The following PLEKHG4B variants were observed in gnomAD, a reference collection of about 807,000 sequenced individuals.
PLEKHG4B encodes the protein pleckstrin homology and RhoGEF domain containing G4B.
PLEKHG4B carries 111 observed loss-of-function variants against 121.3 expected under a neutral mutation model. The ratio of observed to expected loss-of-function variants is 0.92; its 90% CI spans 0.78 to 1.07. The LOEUF (loss-of-function observed/expected upper bound fraction) is 1.07. PLEKHG4B is among the 50% of genes least tolerant of loss of function. The pLI, the probability that PLEKHG4B is intolerant of heterozygous loss-of-function variation, is 0.00. For missense variants in PLEKHG4B, 1,831 were observed against 1,757.8 expected, an observed-to-expected ratio of 1.04 and a Z score of -0.74; for synonymous variants, 738 against 725.0, an observed-to-expected ratio of 1.02 and a Z score of -0.29.
intron 2 of PLEKHG4B, among the ~76,000 whole-genome samples, chr5:129,863 C>A (rs1418004738): frequency 6.6e-6 from 1 of 151,976 alleles, no homozygotes; most frequent in African/African-American, 2.4e-5. Flanking sequence ...CAGTCCTGAC[C>A]ACTCACAGCT....
Position 174,425 on chromosome 5 carries a change from C to CG in PLEKHG4B, c.4402+332dup, listed in dbSNP as rs1273045191. On this transcript the variant is annotated intron_variant, in intron 18 of 19. Transcript: ENST00000637938. ...GGGACTGGAGACTGAGTCCAGGGGC[C>CG]GGGGGCCAAGGCTAGGAGTGGGGCT... Among the ~76,000 whole-genome samples the CG allele has an allele frequency of 1.8e-4, 8 of 43,404 alleles. No homozygotes were observed. In the Admixed American group the frequency reaches 2.3e-3, roughly 12 times the overall value. The allele number at this position is 43,404 out of a possible 152,430, so 28.5% of individuals were successfully genotyped here.
chr5:182,163 C>T lies in PLEKHG4B; in HGVS notation c.4724C>T (p.Ala1575Val), dbSNP rs114618936. 128 of 1,614,006 alleles carry T rather than the reference C, an allele frequency of 7.9e-5. No individual in the cohort carries two copies. The East Asian group carries it at 2.7e-3, about 34-fold the overall frequency. ...GGCCTGCTTGTGTCCTCCAGCCCAG[C>T]CCACCCGGGCCTATGGAGCCCTGCC... ...SLGLLVSSSP[A>V]HPGLWSPAHS... Residue 1575 changes from alanine (A) to valine (V), a missense_variant, in exon 20 of 20, where the codon GCC becomes GTC. Coordinates refer to ENST00000637938, the MANE Select transcript of PLEKHG4B (RefSeq NM_052909.5).
chr5:115,654 C>G (rs1000171239), intron 2 of PLEKHG4B, among the ~76,000 whole-genome samples: 3 of 152,240 alleles, frequency 2.0e-5, no homozygotes, highest in Non-Finnish European at 4.4e-5. Flanking sequence ...CTTGCTGCAG[C>G]TTCTCCATCA....
intron 1 of PLEKHG4B, among the ~76,000 whole-genome samples, chr5:93,175 G>A (rs1301825503): frequency 6.6e-6 from 1 of 152,164 alleles, no homozygotes; most frequent in African/African-American, 2.4e-5. Context: ...TTGAAACGGT[G>A]CATAATTGAT....
chr5:135,686 T>A (rs1375501878), intron 2 of PLEKHG4B, among the ~76,000 whole-genome samples: 1,401 of 32,668 alleles, frequency 0.043, 12 homozygotes, highest in African/African-American at 0.075. Context: ...AAAAAAAATA[T>A]ATATATATAT....
At chr5:136,590 C>T (rs777619213) in intron 2 of PLEKHG4B, among the ~76,000 whole-genome samples, 4 of 152,114 alleles carry the variant, frequency 2.6e-5, no homozygotes, top group Non-Finnish European at 5.9e-5. Context: ...AGGAGGGAAA[C>T]ACAAATCAAA....
chr5:148,132 C>T (rs1159859144), intron 6 of PLEKHG4B, among the ~76,000 whole-genome samples: 2 of 151,322 alleles, frequency 1.3e-5, no homozygotes, highest in African/African-American at 4.9e-5. Flanking sequence ...TACTCAATGG[C>T]AAAAAAACTG....
intron 2 of PLEKHG4B, among the ~76,000 whole-genome samples, chr5:126,532 A>G (rs1490639313): frequency 6.6e-6 from 1 of 152,038 alleles, no homozygotes; most frequent in African/African-American, 2.4e-5. Flanking sequence ...ACAGTTTCTA[A>G]TTATTTTTTC....
chr5:139,946 G>A lies in PLEKHG4B; in HGVS notation c.707G>A (p.Gly236Asp). The A allele has an allele frequency of 2.5e-6, 1 of 407,920 alleles. No individual in the cohort carries two copies. Among genetic ancestry groups the A allele is most frequent in the Non-Finnish European group, 4.3e-6 (1 of 231,522 alleles). The allele number at this position is 407,920 out of a possible 1,614,324, so 25.3% of individuals were successfully genotyped here. The stretch of plus-strand genomic sequence containing the variant: ...CCAGTCCCCACCCAAGCCACAGCAG[G>A]CCCCCATTTCCAGGGAAGCGCCTCT... ...EAPVPTQATA[G>D]PHFQGSASCP... Residue 236 changes from glycine to aspartate, a missense_variant, in exon 3 of 20, where the codon GGC (glycine) becomes GAC (aspartate). By Grantham distance (94) the Gly-to-Asp change is moderately conservative. Coordinates refer to ENST00000637938, the MANE Select transcript of PLEKHG4B (RefSeq NM_052909.5). The surrounding 1 kb of genome is among the most constrained non-coding windows in gnomAD (Gnocchi z 5.0).
At chr5:108,583 G>A (rs34679247) in intron 1 of PLEKHG4B, among the ~76,000 whole-genome samples, 1 of 146,490 alleles carries the variant, frequency 6.8e-6, no homozygotes, top group African/African-American at 2.6e-5. Flanking sequence ...AGACAGACTG[G>A]GTGCAGATGG....
chr5:156,611 G>T lies in PLEKHG4B; in HGVS notation c.2349-162G>T, dbSNP rs1186780968. Among the ~76,000 whole-genome samples, 1 of 152,066 alleles carries T rather than the reference G, an allele frequency of 6.6e-6. No individual in the cohort carries two copies. The highest frequency in any genetic ancestry group is 1.5e-5 in the Non-Finnish European group (1 of 68,020). On this transcript the variant is annotated intron_variant, in intron 10 of 19. Transcript: ENST00000637938. The surrounding 1 kb of genome is among the most constrained non-coding windows in gnomAD (Gnocchi z 4.4). ...CCAGGATGTTGGCAGAACGCATGGAGCACATCTGTGCCCCGCCTCGGTTGT... is the reference window on the plus strand; with the variant it reads ...CCAGGATGTTGGCAGAACGCATGGATCACATCTGTGCCCCGCCTCGGTTGT...
intron 18 of PLEKHG4B, among the ~76,000 whole-genome samples, chr5:179,153 C>A (rs1422569536): frequency 2.6e-5 from 4 of 152,084 alleles, no homozygotes; most frequent in Non-Finnish European, 5.9e-5. Context: ...TTACTTGGAA[C>A]TTTTGGTGTT....
In PLEKHG4B at chr5:189,737, G is replaced by C. The variant is rs1733737047; in HGVS notation, c.*7414G>C. On this transcript the variant is annotated 3_prime_UTR_variant, in exon 20 of 20. Coordinates refer to ENST00000637938, the MANE Select transcript of PLEKHG4B (RefSeq NM_052909.5). ...GGAGGCTGCAGGGGCCCAGACCTTG[G>C]CTGACCTTCCTAGCCATGGTCTCCA... 1 of 152,078 alleles carries C rather than the reference G, an allele frequency of 6.6e-6. No individual in the cohort carries two copies. The highest frequency in any genetic ancestry group is 1.5e-5 in the Non-Finnish European group (1 of 68,026). The allele number at this position is 152,078 out of a possible 1,614,324, so 9.4% of individuals were successfully genotyped here.
chr5:98,161 T>C (rs1280614965), intron 1 of PLEKHG4B, among the ~76,000 whole-genome samples: 4 of 152,134 alleles, frequency 2.6e-5, no homozygotes, highest in Non-Finnish European at 5.9e-5. Context: ...CCCCAATGTT[T>C]TCTTCTAAGA....
chr5:131,892 G>C (rs528813287), intron 2 of PLEKHG4B, among the ~76,000 whole-genome samples: 2 of 152,280 alleles, frequency 1.3e-5, no homozygotes, highest in African/African-American at 4.8e-5. Context: ...TCATGTGTCT[G>C]TTGGCTGCAT....
Position 182,151 on chromosome 5 carries a change from C to T in PLEKHG4B, c.4712C>T (p.Ser1571Phe). 1 of 1,614,060 alleles carries T rather than the reference C, an allele frequency of 6.2e-7. No homozygotes were observed. Among genetic ancestry groups the T allele is most frequent in the South Asian group, 1.1e-5 (1 of 91,086 alleles). The change falls in exon 20 of 20, where the codon TCC becomes TTC. Residue 1571 changes from serine to phenylalanine, a missense_variant. Physicochemically the swap from Ser to Phe is radical, Grantham distance 155. Transcript: ENST00000637938. ...SILGSLGLLV[S>F]SSPAHPGLWS... The stretch of plus-strand genomic sequence containing the variant: ...CTGGGGTCGCTGGGCCTGCTTGTGT[C>T]CTCCAGCCCAGCCCACCCGGGCCTA...
chr5:178,235 G>A lies in PLEKHG4B; in HGVS notation c.4403-3279G>A, dbSNP rs780625725. 3.9e-5 allele frequency among the ~76,000 whole-genome samples: 6 copies of A among 152,284 alleles called. No individual in the cohort carries two copies. The East Asian group carries it at 9.6e-4, about 24-fold the overall frequency. On this transcript the variant is annotated intron_variant, in intron 18 of 19. Transcript: ENST00000637938. The stretch of plus-strand genomic sequence containing the variant: ...CAGCAGGTGTGGACCATCAGGAAAC[G>A]CCCTCTCCCTGGCACTGGCTCCCAA...
rs551942297 is a variant in PLEKHG4B at position 125,007 on chromosome 5, A to C, written c.243+11559A>C. Among the ~76,000 whole-genome samples the C allele has an allele frequency of 2.5e-4, 38 of 152,166 alleles. 1 individual carries two copies. In the East Asian group the frequency reaches 7.4e-3, roughly 29 times the overall value. On this transcript the variant is annotated intron_variant, in intron 2 of 19. Coordinates refer to ENST00000637938, the MANE Select transcript of PLEKHG4B (RefSeq NM_052909.5). ...AATTAGCTGGGTGTGGAGGCGTGCG[A>C]CTGTAATCCCAGCTACTTGGGAGGC...
At chr5:132,103 C>G (rs1183020707) in intron 2 of PLEKHG4B, among the ~76,000 whole-genome samples, 1 of 151,578 alleles carries the variant, frequency 6.6e-6, no homozygotes, top group Admixed American at 6.6e-5. Context: ...ATACCAGGAA[C>G]AAGACAAGGA....
Sources: gnomAD v4.1 joint callset for allele counts (sites outside exome capture counted in the v4.1 genomes callset) on GRCh38, gnomAD v4.1.1 for gene constraint, Gnocchi (gnomAD v3.1) non-coding constraint, MANE v1.5 for transcripts, NCBI Gene and HGNC (gene_info 2026-07-23, HGNC 2026-07-21) for gene names.